TTBK2: variants seen among roughly 807,000 people sequenced by gnomAD.
The protein encoded by TTBK2 is tau-tubulin kinase 2.
A neutral mutation model predicts 110.8 loss-of-function variants in TTBK2; 28 were observed. The ratio of observed to expected loss-of-function variants is 0.25; its 90% CI spans 0.19 to 0.35. The LOEUF (loss-of-function observed/expected upper bound fraction) is 0.35, where lower values mean the gene tolerates loss of function less well. TTBK2 is among the 10% of genes least tolerant of loss of function. The pLI, the probability that TTBK2 is intolerant of heterozygous loss-of-function variation, is 1.00. For synonymous variants in TTBK2, 532 were observed against 527.3 expected, an observed-to-expected ratio of 1.01 and a Z score of -0.12; for missense variants, 1,369 against 1,500.3, an observed-to-expected ratio of 0.91 and a Z score of 1.45.
chr15:42,815,047 G>A (rs1206443709), intron 7 of TTBK2, among the ~76,000 whole-genome samples: 1 of 151,986 alleles, frequency 6.6e-6, no homozygotes, highest in African/African-American at 2.4e-5. Flanking sequence ...AAATACTTAT[G>A]TTTATCTTAA....
intron 6 of TTBK2, among the ~76,000 whole-genome samples, chr15:42,825,354 A>C (rs904410036): frequency 6.6e-6 from 1 of 152,226 alleles, no homozygotes; most frequent in Non-Finnish European, 1.5e-5. Flanking sequence ...AATGGAGAGT[A>C]TGTCAAGGGC....
intron 10 of TTBK2, among the ~76,000 whole-genome samples, chr15:42,794,271 G>A (rs915439499): frequency 6.6e-6 from 1 of 152,132 alleles, no homozygotes; most frequent in Non-Finnish European, 1.5e-5. Flanking sequence ...CATGTTACAT[G>A]CTTTGTTCCC....
chr15:42,763,187 TATATA>T (rs1258656478), intron 13 of TTBK2, among the ~76,000 whole-genome samples: 18 of 27,726 alleles, frequency 6.5e-4, no homozygotes, highest in South Asian at 2.6e-3. Flanking sequence ...TATATATATA[TATATA>T]TTTTTTTTTT....
At chr15:42,823,442 G>A (rs2140967464) in intron 6 of TTBK2, among the ~76,000 whole-genome samples, 1 of 152,280 alleles carries the variant, frequency 6.6e-6, no homozygotes, top group Non-Finnish European at 1.5e-5. Context: ...AGTAGAGGCT[G>A]TCAAAACCAA....
In TTBK2 at chr15:42,745,890, T is replaced by G. The variant is rs771394738; in HGVS notation, c.3640A>C (p.Asn1214His). The G allele has an allele frequency of 6.2e-7, 1 of 1,614,134 alleles. No homozygotes were observed. The highest frequency in any genetic ancestry group is 1.1e-5 in the South Asian group (1 of 91,080). ...CQQEHCKPSK[N>H]GLKGSGSLHH... ...AGGCTGCCGGATCCTTTCAGGCCAT[T>G]CTTGCTGGGTTTGCAATGCTCCTGT... The change falls in exon 15 of 15, where the codon AAT (asparagine) becomes CAT (histidine). Residue 1214 changes from asparagine to histidine, a missense_variant. This residue lies in a region of TTBK2 where 1,097 missense variants were observed against 1,114.7 expected (regional missense o/e 0.98). Transcript: ENST00000267890.
rs184379409 is a variant in TTBK2 at position 42,856,192 on chromosome 15, T to C, written c.218-15759A>G. ...TGCAATCCCTAATGAAAACAATGAA[T>C]GTAGGTGATAAATTCTTCCCAACAA... On this transcript the variant is annotated intron_variant, in intron 3 of 14. Coordinates refer to ENST00000267890, the MANE Select transcript of TTBK2 (RefSeq NM_173500.4). 3.4e-3 allele frequency among the ~76,000 whole-genome samples: 521 copies of C among 152,306 alleles called. 1 individual carries two copies. Among genetic ancestry groups the C allele is most frequent in the Middle Eastern group, 0.027 (8 of 292 alleles).
intron 1 of TTBK2, among the ~76,000 whole-genome samples, chr15:42,915,985 G>A (rs1343668629): frequency 1.3e-5 from 2 of 151,966 alleles, no homozygotes; most frequent in African/African-American, 4.8e-5. Context: ...GTGAGATCCA[G>A]GAGAAATAGG....
At position 42,837,376 on chromosome 15, in the gene TTBK2, G is replaced by T. The variant is rs541310022; in HGVS notation, c.291+2984C>A. ...CCATCTCAAAAAAAAAAAAAAAAAA[G>T]GCCAGGCATGGTGGCTTACGCCTGT... On this transcript the variant is annotated intron_variant, in intron 4 of 14. Coordinates refer to ENST00000267890, the MANE Select transcript of TTBK2 (RefSeq NM_173500.4). Among the ~76,000 whole-genome samples, 21 of 139,064 alleles carry T rather than the reference G, an allele frequency of 1.5e-4. No individual in the cohort carries two copies. The East Asian group carries it at 4.4e-3, about 29-fold the overall frequency. The allele number at this position is 139,064 out of a possible 152,430, so 91.2% of individuals were successfully genotyped here. A position where few individuals can be genotyped will look rare whatever the true frequency, so the allele number is the denominator to read the frequency against.
intron 1 of TTBK2, among the ~76,000 whole-genome samples, chr15:42,906,856 T>C (rs754047491): frequency 4.0e-5 from 6 of 151,786 alleles, no homozygotes; most frequent in Non-Finnish European, 7.4e-5. Flanking sequence ...GATTTTTAAA[T>C]GGGCAAAAGA....
chr15:42,769,883 G>A (rs1034563153), intron 13 of TTBK2, among the ~76,000 whole-genome samples: 3 of 152,170 alleles, frequency 2.0e-5, no homozygotes, highest in Non-Finnish European at 4.4e-5. Context: ...ACTGGATTAA[G>A]AAAATGTGGC....
chr15:42,789,408 C>A (rs2140841051), intron 10 of TTBK2, among the ~76,000 whole-genome samples: 2 of 152,168 alleles, frequency 1.3e-5, no homozygotes, highest in Middle Eastern at 3.4e-3. Context: ...TCCACCTATG[C>A]TGTGGCAAAT....
intron 6 of TTBK2, among the ~76,000 whole-genome samples, chr15:42,827,707 T>C (rs953994469): frequency 1.7e-4 from 26 of 152,334 alleles, no homozygotes; most frequent in African/African-American, 6.3e-4. Flanking sequence ...ATGTGTGTTC[T>C]TACTATAAGA....
intron 6 of TTBK2, among the ~76,000 whole-genome samples, chr15:42,818,611 T>C (rs531097506): frequency 3.9e-5 from 6 of 152,006 alleles, no homozygotes; most frequent in African/African-American, 1.4e-4. Flanking sequence ...TCCCAGCTAC[T>C]CGGGAGGCAG....
chr15:42,797,952 C>T (rs1160539171), intron 9 of TTBK2, among the ~76,000 whole-genome samples: 1 of 151,990 alleles, frequency 6.6e-6, no homozygotes, highest in South Asian at 2.1e-4. Context: ...GGTGCGATCT[C>T]GGCTCACTGC....
intron 1 of TTBK2, among the ~76,000 whole-genome samples, chr15:42,880,015 A>G (rs1427598560): frequency 2.0e-5 from 3 of 150,080 alleles, no homozygotes; most frequent in Non-Finnish European, 3.0e-5. Flanking sequence ...AAAAAAAAAG[A>G]AAAGAAAAGA....
chr15:42,801,151 C>A, intron 9 of TTBK2: 1 of 1,185,648 alleles, frequency 8.4e-7, no homozygotes, highest in Non-Finnish European at 1.3e-6. Context: ...AAGCTCTGAC[C>A]ACCTGCATAG....
At chr15:42,807,612 T>C (rs1348572168) in intron 9 of TTBK2, among the ~76,000 whole-genome samples, 1 of 145,970 alleles carries the variant, frequency 6.9e-6, no homozygotes, top group Non-Finnish European at 1.5e-5. Context: ...TGTTGTTTTG[T>C]TTTTTGTAGA....
At chr15:42,907,547 T>C (rs1040410392) in intron 1 of TTBK2, among the ~76,000 whole-genome samples, 1 of 151,948 alleles carries the variant, frequency 6.6e-6, no homozygotes, top group Non-Finnish European at 1.5e-5. Context: ...TTACATTAAG[T>C]GAAATAAGCC....
chr15:42,806,807 T>A (rs1020804048), intron 9 of TTBK2, among the ~76,000 whole-genome samples: 1 of 147,000 alleles, frequency 6.8e-6, no homozygotes, highest in African/African-American at 2.6e-5. Context: ...CATTATGAGA[T>A]TTTTTTGTGA....
Sources: allele counts gnomAD v4.1 joint callset (sites outside exome capture counted in the v4.1 genomes callset), GRCh38; gene constraint gnomAD v4.1.1; regional missense constraint gnomAD v4.1.1; transcripts MANE v1.5; gene names NCBI Gene and HGNC (gene_info 2026-07-23, HGNC 2026-07-21).